Variants in DUSP10 observed in about 807,000 individuals in gnomAD.
DUSP10 encodes dual specificity phosphatase 10.
DUSP10 carries 14 observed loss-of-function variants against 30.8 expected under a neutral mutation model. That is an observed-to-expected ratio of 0.46 (90% CI 0.30 to 0.71). The LOEUF (loss-of-function observed/expected upper bound fraction) is 0.71, where lower values mean the gene tolerates loss of function less well. DUSP10 is among the 30% of genes least tolerant of loss of function. The pLI is 0.08. For synonymous variants in DUSP10, 254 were observed against 250.4 expected (o/e 1.01, Z -0.14); for missense variants, 550 against 619.4 (o/e 0.89, Z 1.19).
intron 2 of DUSP10, among the ~76,000 whole-genome samples, chr1:221,709,275 T>C (rs1660864749): frequency 6.6e-6 from 1 of 151,588 alleles, no homozygotes; most frequent in Non-Finnish European, 1.5e-5. Flanking sequence ...GATGTAATGC[T>C]AACAGGTGGC....
intron 3 of DUSP10, among the ~76,000 whole-genome samples, chr1:221,703,123 GGA>G (rs1660654142): frequency 6.6e-6 from 1 of 151,836 alleles, no homozygotes; most frequent in African/African-American, 2.4e-5. Flanking sequence ...TGAAGGAAAA[GGA>G]GAGAGGAAGG....
At chr1:221,717,652 G>A (rs890032167) in intron 2 of DUSP10, among the ~76,000 whole-genome samples, 5 of 152,030 alleles carry the variant, frequency 3.3e-5, no homozygotes, top group African/African-American at 4.8e-5. Flanking sequence ...AATCCCCAGC[G>A]TGAGGTCATG....
At chr1:221,717,715 G>T (rs541769917) in intron 2 of DUSP10, among the ~76,000 whole-genome samples, 8 of 152,252 alleles carry the variant, frequency 5.3e-5, no homozygotes, top group African/African-American at 1.9e-4. Context: ...AGACAACACA[G>T]AGCTTGCTGT....
intron 2 of DUSP10, among the ~76,000 whole-genome samples, chr1:221,738,648 C>T (rs1337882510): frequency 1.3e-5 from 2 of 152,164 alleles, no homozygotes; most frequent in South Asian, 2.1e-4. Context: ...GTATAAAGCC[C>T]CTTTTTAGAA....
chr1:221,720,957 A>T (rs970606707), intron 2 of DUSP10, among the ~76,000 whole-genome samples: 1 of 152,148 alleles, frequency 6.6e-6, no homozygotes, highest in Non-Finnish European at 1.5e-5. Flanking sequence ...GAAAGTCAAG[A>T]TGTTCTTTCT....
In DUSP10 at chr1:221,702,805, G is replaced by A; in HGVS notation, c.1184-128C>T. Reference sequence around the variant, plus strand: ...AATAATGAATTAAAACAGTTTTAAAGCCAAGTATAATCCACTAGTTCATTA... The same window carrying A: ...AATAATGAATTAAAACAGTTTTAAAACCAAGTATAATCCACTAGTTCATTA... On this transcript the variant is annotated intron_variant, in intron 3 of 3. Coordinates refer to ENST00000366899, the MANE Select transcript of DUSP10 (RefSeq NM_007207.6). The surrounding 1 kb of genome is among the most constrained non-coding windows in gnomAD (Gnocchi z 4.5). The A allele has an allele frequency of 2.0e-6, 2 of 1,008,396 alleles. No homozygotes were observed. The highest frequency in any genetic ancestry group is 1.7e-5 in the South Asian group (1 of 59,232). The allele number at this position is 1,008,396 out of a possible 1,614,324, so 62.5% of individuals were successfully genotyped here. A position where few individuals can be genotyped will look rare whatever the true frequency, so the allele number is the denominator to read the frequency against.
At chr1:221,737,848 C>T (rs931936249) in intron 2 of DUSP10, among the ~76,000 whole-genome samples, 1 of 152,216 alleles carries the variant, frequency 6.6e-6, no homozygotes, top group African/African-American at 2.4e-5. Context: ...TGTCCTATTG[C>T]AATTTAAATA....
intron 2 of DUSP10, among the ~76,000 whole-genome samples, chr1:221,736,012 A>C (rs1431288143): frequency 1.3e-5 from 2 of 152,236 alleles, no homozygotes; most frequent in Non-Finnish European, 2.9e-5. Flanking sequence ...GATGCCATTT[A>C]TTCTTTAGAA....
rs998172128 is a variant in DUSP10 at position 221,738,849 on chromosome 1, A to G, written c.811+85T>C. ...TATTTTGGTCTTTGGTAGCCAGGGT[A>G]AGGAGAATGCTGTCACTCTACGAGA... On this transcript the variant is annotated intron_variant, in intron 2 of 3. Coordinates refer to ENST00000366899, the MANE Select transcript of DUSP10 (RefSeq NM_007207.6). The G allele has an allele frequency of 4.5e-5, 67 of 1,488,454 alleles. No individual in the cohort carries two copies. In the African/African-American group the frequency reaches 8.2e-4, roughly 18 times the overall value. 92.2% of individuals were successfully genotyped at this position (1,488,454 alleles called of 1,614,324 possible). A position where few individuals can be genotyped will look rare whatever the true frequency, so the allele number is the denominator to read the frequency against.
chr1:221,724,550 C>A (rs1430416868), intron 2 of DUSP10, among the ~76,000 whole-genome samples: 1 of 152,058 alleles, frequency 6.6e-6, no homozygotes, highest in Non-Finnish European at 1.5e-5. Context: ...TGGACTGGCC[C>A]CATTTCAAGT....
chr1:221,715,183 C>T (rs576812485), intron 2 of DUSP10, among the ~76,000 whole-genome samples: 1 of 152,242 alleles, frequency 6.6e-6, no homozygotes, highest in East Asian at 1.9e-4. Context: ...AATTATTGCC[C>T]ACATATTTAC....
At chr1:221,716,737 C>T (rs1450804986) in intron 2 of DUSP10, among the ~76,000 whole-genome samples, 2 of 152,198 alleles carry the variant, frequency 1.3e-5, no homozygotes, top group African/African-American at 4.8e-5. Flanking sequence ...GTTCCAGCCC[C>T]CATGTTCCTG....
chr1:221,716,727 G>C (rs1235392993), intron 2 of DUSP10, among the ~76,000 whole-genome samples: 1 of 152,208 alleles, frequency 6.6e-6, no homozygotes, highest in African/African-American at 2.4e-5. Flanking sequence ...AGACAGCCAA[G>C]TTCCAGCCCC....
intron 2 of DUSP10, among the ~76,000 whole-genome samples, chr1:221,722,234 A>G (rs1416106105): frequency 6.6e-6 from 1 of 152,242 alleles, no homozygotes; most frequent in Non-Finnish European, 1.5e-5. Flanking sequence ...GCACGCTATA[A>G]CGCTCTTGAA....
At chr1:221,727,785 T>C (rs933864178) in intron 2 of DUSP10, among the ~76,000 whole-genome samples, 2 of 152,198 alleles carry the variant, frequency 1.3e-5, no homozygotes, top group African/African-American at 2.4e-5. Flanking sequence ...ATTTTTAAAT[T>C]TTGTTCTCCA....
intron 2 of DUSP10, 105 bp downstream of exon 2, chr1:221,738,829 T>C: frequency 1.4e-6 from 2 of 1,380,342 alleles, no homozygotes; most frequent in Non-Finnish European, 2.0e-6. Flanking sequence ...AAGTCTATTT[T>C]GGTCTTTGGT....
rs1661866872 is a variant in DUSP10 at position 221,739,120 on chromosome 1, T to C, written c.625A>G (p.Lys209Glu). Residue 209 changes from lysine (K) to glutamate (E), a missense_variant, in exon 2 of 4, where the codon AAG (lysine) becomes GAG (glutamate). Coordinates refer to ENST00000366899, the MANE Select transcript of DUSP10 (RefSeq NM_007207.6). Reference sequence around the variant, plus strand: ...GAAATCAAGTCTAGGACAGTGATCTTGCCCTGCTGCAGTCTCCGCCGGCTG... The same window carrying C: ...GAAATCAAGTCTAGGACAGTGATCTCGCCCTGCTGCAGTCTCCGCCGGCTG... The part of the protein sequence containing the change: ...KISRRRLQQG[K>E]ITVLDLISCR... The C allele has an allele frequency of 1.2e-6, 2 of 1,614,100 alleles. No homozygotes were observed. Among genetic ancestry groups the C allele is most frequent in the African/African-American group, 2.7e-5 (2 of 74,940 alleles).
intron 3 of DUSP10, among the ~76,000 whole-genome samples, chr1:221,704,316 T>TAA (rs10543773): frequency 3.0e-4 from 40 of 134,398 alleles, no homozygotes; most frequent in African/African-American, 6.8e-4. Context: ...TTGTTTTCCT[T>TAA]AAAAAAAAAA....
intron 2 of DUSP10, among the ~76,000 whole-genome samples, chr1:221,709,677 G>A (rs907870978): frequency 1.3e-5 from 2 of 152,040 alleles, no homozygotes; most frequent in Admixed American, 6.5e-5. Context: ...AAAAAACAAC[G>A]AGTGGAAGCT....
Sources: gnomAD v4.1 joint callset for allele counts (sites outside exome capture counted in the v4.1 genomes callset) on GRCh38, gnomAD v4.1.1 for gene constraint, Gnocchi (gnomAD v3.1) non-coding constraint, MANE v1.5 for transcripts, NCBI Gene and HGNC (gene_info 2026-07-23, HGNC 2026-07-21) for gene names.